DPYD: variants seen among roughly 807,000 people sequenced by gnomAD.
The protein encoded by DPYD is dihydropyrimidine dehydrogenase [NADP(+)].
Under a neutral mutation model 116.2 loss-of-function variants are expected in DPYD, and 109 were observed. The observed-to-expected ratio is 0.94, with a 90% CI of 0.80 to 1.10. The LOEUF is 1.10. Ranked by LOEUF, DPYD falls within the 50% of genes least tolerant of loss-of-function variation. The pLI is 0.00. For synonymous variants in DPYD, 440 were observed against 432.0 expected, an observed-to-expected ratio of 1.02 and a Z score of -0.23; for missense variants, 1,302 against 1,254.5, an observed-to-expected ratio of 1.04 and a Z score of -0.57.
chr1:97,576,035 C>T (rs1272514912), intron 10 of DPYD, among the ~76,000 whole-genome samples: 2 of 152,158 alleles, frequency 1.3e-5, no homozygotes, highest in African/African-American at 4.8e-5. Flanking sequence ...AAACCTTAGA[C>T]TCCTCTTTAG....
At chr1:97,751,448 G>GTATATA (rs1664889212) in intron 3 of DPYD, among the ~76,000 whole-genome samples, 3 of 30,460 alleles carry the variant, frequency 9.8e-5, no homozygotes, top group African/African-American at 2.9e-4. Context: ...GTGTGTGTGT[G>GTATATA]TGTGTGTGTG....
At chr1:97,429,723 G>A (rs1407969058) in intron 14 of DPYD, among the ~76,000 whole-genome samples, 1 of 152,044 alleles carries the variant, frequency 6.6e-6, no homozygotes, top group African/African-American at 2.4e-5. Flanking sequence ...AAAACAAGTA[G>A]CTTCTACTAA....
chr1:97,556,625 G>A (rs912421883), intron 11 of DPYD, among the ~76,000 whole-genome samples: 11 of 149,418 alleles, frequency 7.4e-5, no homozygotes, highest in Non-Finnish European at 1.3e-4. Context: ...TTGTTCTTGC[G>A]ATAGTTTACT....
intron 16 of DPYD, among the ~76,000 whole-genome samples, chr1:97,325,833 A>T (rs955982065): frequency 2.0e-5 from 3 of 151,958 alleles, no homozygotes; most frequent in African/African-American, 7.2e-5. Flanking sequence ...GCATGGTATC[A>T]TATGAAATGG....
chr1:97,399,021 C>T (rs1285430529), intron 14 of DPYD, among the ~76,000 whole-genome samples: 1 of 152,120 alleles, frequency 6.6e-6, no homozygotes, highest in East Asian at 1.9e-4. Context: ...AGTCCTTGTC[C>T]ATGCCTATGT....
intron 20 of DPYD, among the ~76,000 whole-genome samples, chr1:97,138,940 A>G (rs910204034): frequency 6.6e-6 from 1 of 152,178 alleles, no homozygotes; most frequent in African/African-American, 2.4e-5. Context: ...TTCCACCCTC[A>G]TAACAAAGGC....
At position 97,279,493 on chromosome 1, in the gene DPYD, A is replaced by ATTTGTTTG. The variant is rs111937508; in HGVS notation, c.2299+25758_2299+25765dup. Among the ~76,000 whole-genome samples, 201 of 151,052 alleles carry ATTTGTTTG rather than the reference A, an allele frequency of 1.3e-3. 1 individual carries two copies. Among genetic ancestry groups the ATTTGTTTG allele is most frequent in the Admixed American group, 6.0e-3 (91 of 15,180 alleles). ...TTCTAGTGGTCCACTGGAGACAGAG[A>ATTTGTTTG]TTTGTTTGTTTGTTTGTTTGTTTGT... On this transcript the variant is annotated intron_variant, in intron 18 of 22. Transcript: ENST00000370192.
chr1:97,669,405 A>T (rs1311105657), intron 8 of DPYD, among the ~76,000 whole-genome samples: 3 of 152,132 alleles, frequency 2.0e-5, no homozygotes, highest in Non-Finnish European at 4.4e-5. Flanking sequence ...AGTTTAAGAA[A>T]TAGAAAAGTA....
At chr1:97,583,800 T>C (rs532945645) in intron 10 of DPYD, among the ~76,000 whole-genome samples, 2 of 152,254 alleles carry the variant, frequency 1.3e-5, no homozygotes, top group South Asian at 4.1e-4. Context: ...TGTGTACTTA[T>C]TCCAGTCTAT....
At chr1:97,477,873 G>A (rs575012237) in intron 13 of DPYD, among the ~76,000 whole-genome samples, 1 of 152,176 alleles carries the variant, frequency 6.6e-6, no homozygotes, top group Non-Finnish European at 1.5e-5. Context: ...ACCCGCCTCG[G>A]CCTCCCAAAG....
chr1:97,624,641 T>C (rs1656820501), intron 8 of DPYD, among the ~76,000 whole-genome samples: 1 of 151,990 alleles, frequency 6.6e-6, no homozygotes, highest in South Asian at 2.1e-4. Flanking sequence ...TTGAAATCAG[T>C]TTGTTGAAGA....
intron 13 of DPYD, among the ~76,000 whole-genome samples, chr1:97,496,358 A>C (rs1679265741): frequency 6.6e-6 from 1 of 152,034 alleles, no homozygotes; most frequent in Non-Finnish European, 1.5e-5. Context: ...TAATTTGTCA[A>C]TGAACATGTT....
At chr1:97,705,360 C>T (rs1661871739) in intron 5 of DPYD, among the ~76,000 whole-genome samples, 2 of 152,014 alleles carry the variant, frequency 1.3e-5, no homozygotes, top group Admixed American at 1.3e-4. Context: ...TCAATTCCCA[C>T]CTATGAGTGA....
chr1:97,182,815 G>C (rs1024731989), intron 20 of DPYD, among the ~76,000 whole-genome samples: 1 of 152,084 alleles, frequency 6.6e-6, no homozygotes, highest in African/African-American at 2.4e-5. Context: ...GAGCCTACCA[G>C]CAGGTCCTTA....
intron 1 of DPYD, chr1:97,883,774 A>C (rs1672344174): frequency 2.4e-6 from 1 of 415,104 alleles, no homozygotes; most frequent in Non-Finnish European, 4.6e-6. Context: ...ACTTTATCTA[A>C]GATTTCCTCT....
At chr1:97,602,393 GA>G (rs1201248457) in intron 8 of DPYD, among the ~76,000 whole-genome samples, 2 of 151,938 alleles carry the variant, frequency 1.3e-5, no homozygotes, top group Non-Finnish European at 2.9e-5. Flanking sequence ...ATCTACAGGT[GA>G]GAAAGGATGT....
At chr1:97,399,912 A>C (rs567687511) in intron 14 of DPYD, among the ~76,000 whole-genome samples, 32 of 151,974 alleles carry the variant, frequency 2.1e-4, no homozygotes, top group East Asian at 7.8e-4. Flanking sequence ...AATTTGACTT[A>C]CTCTTTTCCT....
chr1:97,617,630 A>C (rs1381060640), intron 8 of DPYD, among the ~76,000 whole-genome samples: 1 of 152,120 alleles, frequency 6.6e-6, no homozygotes, highest in East Asian at 1.9e-4. Flanking sequence ...GGGAGATTCT[A>C]TCTCTGAGAG....
chr1:97,270,749 ATTT>A (rs1664528637), intron 18 of DPYD, among the ~76,000 whole-genome samples: 1 of 152,196 alleles, frequency 6.6e-6, no homozygotes, highest in Non-Finnish European at 1.5e-5. Context: ...ATCCTTGCCT[ATTT>A]AAACAGTTTA....
Sources: gnomAD v4.1 joint callset for allele counts (sites outside exome capture counted in the v4.1 genomes callset) on GRCh38, gnomAD v4.1.1 for gene constraint, MANE v1.5 for transcripts, NCBI Gene and HGNC (gene_info 2026-07-23, HGNC 2026-07-21) for gene names.